The following GAS2L1 variants were observed in gnomAD, a reference collection of about 807,000 sequenced individuals.
The protein encoded by GAS2L1 is GAS2-like protein 1.
In GAS2L1, 26 loss-of-function variants were observed where a neutral mutation model predicts 44.0. That is an observed-to-expected ratio of 0.59 (90% CI 0.43 to 0.82). GAS2L1 has a LOEUF of 0.82. Ranked by LOEUF, GAS2L1 falls within the 40% of genes least tolerant of loss-of-function variation. The pLI is 0.00. For synonymous variants in GAS2L1, 426 were observed against 415.9 expected (o/e 1.02, Z -0.30); for missense variants, 1,006 against 983.0 (o/e 1.02, Z -0.31).
At chr22:29,311,062 C>A in intron 4 of GAS2L1, 64 bp downstream of exon 5, 1 of 1,452,020 alleles carries the variant, frequency 6.9e-7, no homozygotes. Flanking sequence ...CCCTGGCCTG[C>A]ATGATGGGTT....
At chr22:29,312,500 G>A (rs1404479431) in exon 5 of GAS2L1, 4 of 1,503,280 alleles carry the variant, frequency 2.7e-6, no homozygotes, top group East Asian at 2.3e-5. Flanking sequence ...GGATGTGATG[G>A]ACCAGCTCAG....
exon 5 of GAS2L1, chr22:29,312,039 C>A (rs751209803): frequency 1.2e-6 from 2 of 1,612,366 alleles, no homozygotes; most frequent in South Asian, 1.1e-5. Context: ...GGCCAATGCC[C>A]GGGCCCTTGA....
intron 1 of GAS2L1, 25 bp from the exon 3 acceptor site, chr22:29,310,414 C>T: frequency 7.4e-7 from 1 of 1,342,654 alleles, no homozygotes; most frequent in Non-Finnish European, 1.1e-6. Context: ...GACCTCTGAC[C>T]CCTACCCTCT....
chr22:29,308,545 G>T, exon 1 of GAS2L1: 5 of 1,599,418 alleles, frequency 3.1e-6, no homozygotes, highest in Non-Finnish European at 4.3e-6. Flanking sequence ...GCGCGGCGTG[G>T]GGCACGCCTG....
At chr22:29,310,254 A>T (rs142333573) in intron 1 of GAS2L1, 185 bp from the exon 3 acceptor site, 49,856 of 355,638 alleles carry the variant, frequency 0.14, 3,978 homozygotes, top group South Asian at 0.27. Flanking sequence ...AAAAAAAAAA[A>T]AAATAAAAAA....
intron 1 of GAS2L1, 193 bp from the exon 3 acceptor site, chr22:29,310,242 CAAAA>C (rs1400782855): frequency 9.0e-5 from 17 of 189,014 alleles, no homozygotes; most frequent in Non-Finnish European, 1.3e-4. Context: ...AACTCCAACT[CAAAA>C]AAAAAAAAAA....
chr22:29,309,612 C>T (rs2061382790), intron 1 of GAS2L1, among the ~76,000 whole-genome samples: 1 of 152,350 alleles, frequency 6.6e-6, no homozygotes, highest in African/African-American at 2.4e-5. Context: ...ACATAGCCAG[C>T]TTGGCAGCGC....
rs1016509741 is a variant in GAS2L1, at chr22:29,311,534, C to T, written c.1083C>T (p.Ser361=). The T allele has an allele frequency of 5.2e-6, 8 of 1,541,838 alleles. No homozygotes were observed. The Admixed American group carries it at 5.9e-5, about 11-fold the overall frequency. Residue 361 remains serine (S), a synonymous_variant, in exon 5 of 5, where the codon TCC becomes TCT. Transcript: ENST00000618518. ...GGGACAGTGACTCCTCAGCCTCCTC[C>T]GCCCAGAGCGGCCCCCTTGGTACCC...
chr22:29,308,318 G>C lies in GAS2L1; in HGVS notation c.213G>C (p.Glu71Asp). ...GCCAACATGCCAACGCCGTGACCGA[G>C]GCTGCCCGTGCATTGGCAGCCGCCC... is the stretch of plus-strand genomic sequence containing the variant. The change falls in exon 1 of 5, where the codon GAG becomes GAC. Residue 71 changes from glutamate (E) to aspartate (D), a missense_variant. Coordinates refer to ENST00000618518, the Ensembl canonical transcript of GAS2L1. 1.9e-6 allele frequency: 3 copies of C among 1,606,956 alleles called. No homozygotes were observed. The South Asian group carries it at 3.3e-5, about 18-fold the overall frequency.
At position 29,308,919 on chromosome 22, in the gene GAS2L1, CAG is replaced by C. The variant is rs370822812; in HGVS notation, c.633+186_633+187del. Among the ~76,000 whole-genome samples the C allele has an allele frequency of 9.5e-3, 1,446 of 152,386 alleles. 28 individuals are homozygous for C. The highest frequency in any genetic ancestry group is 0.033 in the African/African-American group (1,389 of 41,588). ...TGACCCCAAGGAAATGGGTAGCCCA[CAG>C]AGAGGGAGGTGCCGGGGAGATGACG... is the stretch of plus-strand genomic sequence containing the variant. On this transcript the variant is annotated intron_variant, in intron 1 of 4. Transcript: ENST00000618518.
chr22:29,309,723 C>T (rs1208263488), intron 1 of GAS2L1, among the ~76,000 whole-genome samples: 1 of 152,202 alleles, frequency 6.6e-6, no homozygotes, highest in Non-Finnish European at 1.5e-5. Flanking sequence ...CACATCAGTG[C>T]CCACCCAGGG....
exon 5 of GAS2L1, chr22:29,312,511 C>G: frequency 6.7e-7 from 1 of 1,488,676 alleles, no homozygotes; most frequent in East Asian, 2.3e-5. Flanking sequence ...ACCAGCTCAG[C>G]TGTCCCCAGA....
chr22:29,308,392 C>T (rs781076199), exon 1 of GAS2L1: 2 of 1,609,302 alleles, frequency 1.2e-6, no homozygotes, highest in Non-Finnish European at 1.7e-6. Flanking sequence ...GTGCCTGGCT[C>T]CTTCATGGCG....
At chr22:29,311,898 C>T in exon 5 of GAS2L1, 1 of 1,601,002 alleles carries the variant, frequency 6.2e-7, no homozygotes. Flanking sequence ...CCCTGCAGCA[C>T]CCCGGCTTTC....
intron 4 of GAS2L1, 45 bp downstream of exon 5, chr22:29,311,043 G>C (rs564502100): frequency 6.4e-7 from 1 of 1,564,002 alleles, no homozygotes; most frequent in Non-Finnish European, 8.7e-7. Context: ...GAGGGTGGGG[G>C]GGCGTCAGCC....
At position 29,308,235 on chromosome 22, in the gene GAS2L1, G is replaced by T. The variant is rs1258316851; in HGVS notation, c.130G>T (p.Gly44Cys). The T allele has an allele frequency of 1.9e-6, 3 of 1,609,082 alleles. No individual in the cohort carries two copies. The highest frequency in any genetic ancestry group is 2.7e-5 in the African/African-American group (2 of 74,880). The change falls in exon 1 of 5, where the codon GGT (glycine) becomes TGT (cysteine). Residue 44 changes from glycine (G) to cysteine (C), a missense_variant. Gly to Cys is a radical substitution (Grantham distance 159, BLOSUM62 -3). Coordinates refer to ENST00000618518, the Ensembl canonical transcript of GAS2L1. Reference sequence around the variant, plus strand: ...GTGGCTCAATGCCTTGTACGGCCTGGGTCTCCCGGGTGGTGGCGATGGCTT... The same window carrying T: ...GTGGCTCAATGCCTTGTACGGCCTGTGTCTCCCGGGTGGTGGCGATGGCTT...
exon 5 of GAS2L1, chr22:29,312,220 T>C (rs774659781): frequency 6.2e-7 from 1 of 1,613,038 alleles, no homozygotes. Context: ...GCCAATGGGC[T>C]GCCTGGGCCC....
intron 1 of GAS2L1, 71 bp from the exon 3 acceptor site, chr22:29,310,368 T>G (rs2061390365): frequency 1.2e-6 from 1 of 845,550 alleles, no homozygotes; most frequent in South Asian, 1.5e-5. Context: ...CTCCTGACCC[T>G]GGAATGGCTG....
chr22:29,310,645 G>C (rs1188227715), exon 3 of GAS2L1: 4 of 1,607,306 alleles, frequency 2.5e-6, no homozygotes, highest in Admixed American at 1.7e-5. Flanking sequence ...CAGGTGCTGA[G>C]GAGCCACGTG....
Sources: allele counts gnomAD v4.1 joint callset (sites outside exome capture counted in the v4.1 genomes callset), GRCh38; gene constraint gnomAD v4.1.1; transcripts MANE v1.5; gene names NCBI Gene and HGNC (gene_info 2026-07-23, HGNC 2026-07-21).